Variants in CGRRF1 observed in about 807,000 individuals in gnomAD.
The protein encoded by CGRRF1 is cell growth regulator with RING finger domain protein 1.
Under a neutral mutation model 37.2 loss-of-function variants are expected in CGRRF1, and 32 were observed. The ratio of observed to expected loss-of-function variants is 0.86; its 90% confidence interval spans 0.65 to 1.16. The LOEUF (loss-of-function observed/expected upper bound fraction) is 1.16. CGRRF1 is among the 50% of genes most tolerant of loss of function. The probability of loss-of-function intolerance (pLI) is 0.00; values close to 1 mark genes in which losing one functional copy is unlikely to be tolerated. For synonymous variants in CGRRF1, 141 were observed against 140.3 expected (o/e 1.00, Z -0.04); for missense variants, 391 against 382.6 (o/e 1.02, Z -0.18).
chr14:54,535,933 C>G (rs961139641), intron 4 of CGRRF1: 1 of 152,156 alleles, frequency 6.6e-6, no homozygotes, highest in Non-Finnish European at 1.5e-5. Flanking sequence ...ACTGCCATTT[C>G]CCTGCTTCCT....
intron 5 of CGRRF1, 78 bp from the exon 6 acceptor site, chr14:54,537,985 G>T (rs569039043): frequency 6.9e-7 from 1 of 1,459,132 alleles, no homozygotes; most frequent in South Asian, 1.4e-5. Context: ...TAAATTTTAA[G>T]CCGCTTCTTA....
At chr14:54,528,005 T>C (rs1213221647) in intron 2 of CGRRF1, among the ~76,000 whole-genome samples, 1 of 152,190 alleles carries the variant, frequency 6.6e-6, no homozygotes, top group Non-Finnish European at 1.5e-5. Context: ...CCTCCCAAAG[T>C]GCTGGAATTA....
At chr14:54,522,620 C>T (rs2032339285) in intron 2 of CGRRF1, 27 bp downstream of exon 2, 2 of 1,567,438 alleles carry the variant, frequency 1.3e-6, no homozygotes, top group Non-Finnish European at 1.7e-6. Flanking sequence ...CAAAGATTTT[C>T]TCTCATTGTT....
chr14:54,522,042 C>T (rs1362956673), intron 1 of CGRRF1, among the ~76,000 whole-genome samples: 1 of 152,040 alleles, frequency 6.6e-6, no homozygotes, highest in African/African-American at 2.4e-5. Context: ...GGATACCCAC[C>T]CCCCATATTC....
chr14:54,529,423 A>G (rs557082202), intron 2 of CGRRF1, among the ~76,000 whole-genome samples: 1 of 152,348 alleles, frequency 6.6e-6, no homozygotes, highest in African/African-American at 2.4e-5. Context: ...TTGAAAGTGA[A>G]CAACTGAATT....
intron 4 of CGRRF1, among the ~76,000 whole-genome samples, chr14:54,535,819 C>G (rs996789730): frequency 7.2e-5 from 11 of 152,150 alleles, no homozygotes; most frequent in Non-Finnish European, 1.2e-4. Flanking sequence ...GACTTCCTGT[C>G]TCTCCCATTT....
At chr14:54,517,102 C>T (rs937941007) in intron 1 of CGRRF1, among the ~76,000 whole-genome samples, 2 of 152,018 alleles carry the variant, frequency 1.3e-5, no homozygotes, top group Non-Finnish European at 2.9e-5. Flanking sequence ...TTTTTATATC[C>T]TTGTCTACTA....
At chr14:54,526,242 C>G (rs1031553438) in intron 2 of CGRRF1, among the ~76,000 whole-genome samples, 6 of 150,302 alleles carry the variant, frequency 4.0e-5, no homozygotes, top group African/African-American at 1.5e-4. Context: ...GTCTGCCTCC[C>G]AGGTTCAAGC....
chr14:54,511,301 G>A (rs2032126599), intron 1 of CGRRF1, among the ~76,000 whole-genome samples: 1 of 152,130 alleles, frequency 6.6e-6, no homozygotes, highest in Non-Finnish European at 1.5e-5. Flanking sequence ...GGTGAGGATT[G>A]GAAATACAAA....
intron 4 of CGRRF1, 31 bp downstream of exon 4, chr14:54,531,081 C>T: frequency 6.6e-7 from 1 of 1,509,906 alleles, no homozygotes; most frequent in Non-Finnish European, 9.1e-7. Flanking sequence ...AAAGCATTAC[C>T]TTTAAGTGAT....
In CGRRF1 at chr14:54,510,806, C is replaced by T. The variant is rs72711670; in HGVS notation, c.104+743C>T. On this transcript the variant is annotated intron_variant, in intron 1 of 5. Coordinates refer to ENST00000216420, the MANE Select transcript of CGRRF1 (RefSeq NM_006568.3). ...TGCTATTGTATCATGTTTAGACAAG[C>T]CTTGTAAATAACGAGTTGAAACCGT... Among the ~76,000 whole-genome samples, 699 of 152,250 alleles carry T rather than the reference C, an allele frequency of 4.6e-3. 2 individuals are homozygous for T. The highest frequency in any genetic ancestry group is 6.7e-3 in the Non-Finnish European group (457 of 68,022).
rs773143538 is a variant in CGRRF1, at chr14:54,522,587, A to C, written c.238A>C (p.Ile80Leu). Residue 80 changes from isoleucine to leucine, a missense_variant, in exon 2 of 6, where the codon ATT becomes CTT. By Grantham distance (5) the Ile-to-Leu change is conservative. Coordinates refer to ENST00000216420, the MANE Select transcript of CGRRF1 (RefSeq NM_006568.3). ...LEITNPSSAS[I>L]TTGITLTTDC... ...GATCACTAATCCATCTTCAGCTTCAATTACAAGTTGGTGGCTGTTTTCCAA... is the reference window on the plus strand; with the variant it reads ...GATCACTAATCCATCTTCAGCTTCACTTACAAGTTGGTGGCTGTTTTCCAA... The C allele has an allele frequency of 6.3e-7, 1 of 1,581,826 alleles. No homozygotes were observed. The highest frequency in any genetic ancestry group is 8.5e-7 in the Non-Finnish European group (1 of 1,170,702).
At chr14:54,537,344 G>A (rs1380201296) in intron 4 of CGRRF1, 1 of 153,030 alleles carries the variant, frequency 6.5e-6, no homozygotes, top group East Asian at 1.9e-4. Flanking sequence ...AGCTCTCTAA[G>A]CAAAAGTGTT....
intron 2 of CGRRF1, among the ~76,000 whole-genome samples, chr14:54,528,522 A>AAATATGC (rs777104810): frequency 2.1e-4 from 32 of 151,856 alleles, no homozygotes; most frequent in Non-Finnish European, 4.4e-4. Flanking sequence ...CAATGTTTTA[A>AAATATGC]AATATGCATT....
intron 3 of CGRRF1, 146 bp downstream of exon 3, chr14:54,530,372 T>C (rs1360853823): frequency 8.2e-6 from 9 of 1,096,382 alleles, no homozygotes; most frequent in Non-Finnish European, 1.1e-5. Flanking sequence ...GAAGATGCTC[T>C]GTGGAGTGAA....
intron 4 of CGRRF1, among the ~76,000 whole-genome samples, chr14:54,534,788 C>T (rs1010358636): frequency 6.6e-6 from 1 of 152,124 alleles, no homozygotes; most frequent in Non-Finnish European, 1.5e-5. Flanking sequence ...AGTCATGGCT[C>T]ACTGCAGCCT....
intron 1 of CGRRF1, among the ~76,000 whole-genome samples, chr14:54,516,128 A>G (rs1002424929): frequency 6.6e-6 from 1 of 151,964 alleles, no homozygotes; most frequent in African/African-American, 2.4e-5. Flanking sequence ...AACTTTTTTT[A>G]GTGGTTGCTT....
intron 1 of CGRRF1, among the ~76,000 whole-genome samples, chr14:54,521,018 C>G (rs1472105564): frequency 6.6e-6 from 1 of 152,078 alleles, no homozygotes; most frequent in Non-Finnish European, 1.5e-5. Context: ...AGTAAAGTAG[C>G]TGTTTTTTAA....
Position 54,538,387 on chromosome 14 carries a change from C to T in CGRRF1, c.*4C>T. On this transcript the variant is annotated 3_prime_UTR_variant, in exon 6 of 6. Transcript: ENST00000216420. ...AGACAAACCGAAGACTCTTTGAAGACATCGTAACACTGAAAAGTACACTTT... is the reference window on the plus strand; with the variant it reads ...AGACAAACCGAAGACTCTTTGAAGATATCGTAACACTGAAAAGTACACTTT... The T allele has an allele frequency of 6.3e-7, 1 of 1,582,762 alleles. No homozygotes were observed. The highest frequency in any genetic ancestry group is 8.6e-7 in the Non-Finnish European group (1 of 1,159,730).
Sources: allele counts gnomAD v4.1 joint callset (sites outside exome capture counted in the v4.1 genomes callset), GRCh38; gene constraint gnomAD v4.1.1; transcripts MANE v1.5; gene names NCBI Gene and HGNC (gene_info 2026-07-23, HGNC 2026-07-21).